NECTIN2: variants seen among roughly 807,000 people sequenced by gnomAD.
The protein encoded by NECTIN2 is nectin cell adhesion molecule 2.
A neutral mutation model predicts 56.9 loss-of-function variants in NECTIN2; 23 were observed. The observed-to-expected ratio is 0.40, with a 90% CI of 0.29 to 0.57. The LOEUF is 0.57. Ranked by LOEUF, NECTIN2 falls within the 20% of genes least tolerant of loss-of-function variation. NECTIN2 has a pLI of 0.38. For synonymous variants in NECTIN2, 302 were observed against 313.8 expected (o/e 0.96, Z 0.40); for missense variants, 587 against 718.3 (o/e 0.82, Z 2.09).
intron 5 of NECTIN2, among the ~76,000 whole-genome samples, chr19:44,880,027 T>C (rs1969290315): frequency 6.6e-6 from 1 of 152,204 alleles, no homozygotes; most frequent in Admixed American, 6.5e-5. Context: ...CTCCAGAGGA[T>C]GCCAGGCTGT....
Position 44,874,151 on chromosome 19 carries a change from G to A in NECTIN2, c.893+118G>A. ...GACTCCTGGATCTGAGGGAGGAGGG[G>A]CTGGGCCTAAATTCCTAAGTCCTCC... On this transcript the variant is annotated intron_variant, in intron 4 of 8. Transcript: ENST00000252483. This position sits in a 1 kb window ranked among gnomAD's most constrained non-coding sequence, Gnocchi z 6.3. The A allele has an allele frequency of 8.2e-7, 1 of 1,215,188 alleles. No homozygotes were observed. The highest frequency in any genetic ancestry group is 1.2e-6 in the Non-Finnish European group (1 of 862,138). The allele number at this position is 1,215,188 out of a possible 1,614,324, so 75.3% of individuals were successfully genotyped here.
intron 3 of NECTIN2, among the ~76,000 whole-genome samples, chr19:44,872,749 C>T (rs1232182005): frequency 6.7e-6 from 1 of 148,812 alleles, no homozygotes; most frequent in South Asian, 2.1e-4. Flanking sequence ...CTCCCAGAGT[C>T]TCTACACCGA....
intron 5 of NECTIN2, chr19:44,878,570 G>A (rs1969270522): frequency 6.2e-7 from 1 of 1,613,516 alleles, no homozygotes; most frequent in Non-Finnish European, 8.5e-7. Context: ...GGATGACATG[G>A]AGTCCCAGCT....
Position 44,872,087 on chromosome 19 carries a change from G to A in NECTIN2, c.713G>A (p.Cys238Tyr). 1.9e-6 allele frequency: 3 copies of A among 1,614,190 alleles called. No individual in the cohort carries two copies. The highest frequency in any genetic ancestry group is 2.5e-6 in the Non-Finnish European group (3 of 1,180,038). The change falls in exon 3 of 9, where the codon TGC becomes TAC. Residue 238 changes from cysteine (C) to tyrosine (Y), a missense_variant. Transcript: ENST00000252483. Reference protein sequence around the residue: ...SGRADGVTVTCKVEHESFEEP... With the variant: ...SGRADGVTVTYKVEHESFEEP... ...CGAGCAGATGGTGTCACGGTCACCT[G>A]CAAAGTGGAGCATGAGAGCTTCGAG...
At chr19:44,862,875 C>T (rs1029298468) in intron 1 of NECTIN2, among the ~76,000 whole-genome samples, 4 of 151,654 alleles carry the variant, frequency 2.6e-5, no homozygotes, top group African/African-American at 4.9e-5. Context: ...ATTGGCCGGG[C>T]GCGGTGGCTC....
intron 5 of NECTIN2, among the ~76,000 whole-genome samples, chr19:44,879,780 A>T (rs11673139): frequency 0.087 from 13,290 of 152,160 alleles, 642 homozygotes; most frequent in South Asian, 0.12. Flanking sequence ...CTGTCGTGGG[A>T]CCCAGTAAGG....
intron 2 of NECTIN2, 139 bp from the exon 3 acceptor site, chr19:44,871,714 C>A: frequency 1.0e-6 from 1 of 982,200 alleles, no homozygotes; most frequent in Non-Finnish European, 1.5e-6. Context: ...ACCACTTATC[C>A]CAAGCCAGGC....
chr19:44,852,826 A>G (rs1968916737), intron 1 of NECTIN2, among the ~76,000 whole-genome samples: 1 of 152,194 alleles, frequency 6.6e-6, no homozygotes, highest in Admixed American at 6.5e-5. Flanking sequence ...GACTGTAGGC[A>G]GGACGCGGTG....
At chr19:44,880,097 G>T (rs957228168) in intron 5 of NECTIN2, among the ~76,000 whole-genome samples, 1 of 152,200 alleles carries the variant, frequency 6.6e-6, no homozygotes, top group Non-Finnish European at 1.5e-5. Context: ...CTCCTCATCT[G>T]GAGAGTGAGG....
At chr19:44,852,124 T>C (rs1968906784) in intron 1 of NECTIN2, among the ~76,000 whole-genome samples, 1 of 152,064 alleles carries the variant, frequency 6.6e-6, no homozygotes, top group South Asian at 2.1e-4. Context: ...TTTTTTTTCT[T>C]TTTTTGAGAC....
intron 2 of NECTIN2, among the ~76,000 whole-genome samples, chr19:44,871,143 G>A (rs1870048795): frequency 6.6e-6 from 1 of 152,158 alleles, no homozygotes; most frequent in Non-Finnish European, 1.5e-5. Context: ...TGGTATTGCA[G>A]GTGTGAACCA....
intron 5 of NECTIN2, among the ~76,000 whole-genome samples, chr19:44,880,480 T>A (rs1346227014): frequency 6.7e-5 from 8 of 118,554 alleles, no homozygotes; most frequent in Non-Finnish European, 1.4e-4. Context: ...CTTGCCTTTT[T>A]TTTTTTTTTT....
chr19:44,846,867 T>C (rs1968841446), intron 1 of NECTIN2, among the ~76,000 whole-genome samples: 1 of 151,556 alleles, frequency 6.6e-6, no homozygotes, highest in Non-Finnish European at 1.5e-5. Context: ...ATCCTACGCC[T>C]GCTTGTCTGT....
chr19:44,866,754 A>G (rs952838511), intron 2 of NECTIN2, among the ~76,000 whole-genome samples: 1 of 152,074 alleles, frequency 6.6e-6, no homozygotes, highest in Non-Finnish European at 1.5e-5. Flanking sequence ...CAGGGAGGAT[A>G]AGAGCTGTAG....
intron 5 of NECTIN2, chr19:44,878,270 G>A (rs1052269278): frequency 9.2e-7 from 1 of 1,085,104 alleles, no homozygotes; most frequent in Non-Finnish European, 1.4e-6. Context: ...GGTGTGGGGG[G>A]CCGTGGGGGG....
chr19:44,873,933 A>G lies in NECTIN2; in HGVS notation c.793A>G (p.Ile265Val), dbSNP rs2122689558. The change falls in exon 4 of 9, where the codon ATC (isoleucine) becomes GTC (valine). Residue 265 changes from isoleucine (I) to valine (V), a missense_variant. Transcript: ENST00000252483. The stretch of plus-strand genomic sequence containing the variant: ...TCCCCCAGACCCTCCTGAAGTGTCC[A>G]TCTCCGGCTATGATGACAACTGGTA... ...LSVRYPPEVS[I>V]SGYDDNWYLG... 3 of 1,613,846 alleles carry G rather than the reference A, an allele frequency of 1.9e-6. No homozygotes were observed. Among genetic ancestry groups the G allele is most frequent in the Non-Finnish European group, 2.5e-6 (3 of 1,179,806 alleles).
intron 6 of NECTIN2, among the ~76,000 whole-genome samples, chr19:44,883,880 G>A (rs572835220): frequency 3.3e-5 from 5 of 152,176 alleles, no homozygotes; most frequent in African/African-American, 1.2e-4. Flanking sequence ...AGCACTTTGG[G>A]AAGCCAACCC....
chr19:44,872,306 C>T lies in NECTIN2; in HGVS notation c.775+157C>T, dbSNP rs1969185155. On this transcript the variant is annotated intron_variant, in intron 3 of 8. Coordinates refer to ENST00000252483, the MANE Select transcript of NECTIN2 (RefSeq NM_001042724.2). The stretch of plus-strand genomic sequence containing the variant: ...CATTGTCTACACTGGCTCCCATGGG[C>T]AAATCTACATACTTCCCCCTCATTG... Among the ~76,000 whole-genome samples the T allele has an allele frequency of 3.9e-5, 6 of 152,230 alleles. No homozygotes were observed. In the South Asian group the frequency reaches 1.2e-3, roughly 32 times the overall value.
intron 5 of NECTIN2, chr19:44,878,275 G>A (rs773661475): frequency 1.5e-5 from 17 of 1,151,140 alleles, no homozygotes; most frequent in South Asian, 2.8e-5. Context: ...GGGGGGCCGT[G>A]GGGGGGACAC....
Sources: gnomAD v4.1 joint callset for allele counts (sites outside exome capture counted in the v4.1 genomes callset) on GRCh38, gnomAD v4.1.1 for gene constraint, Gnocchi (gnomAD v3.1) non-coding constraint, MANE v1.5 for transcripts, NCBI Gene and HGNC (gene_info 2026-07-23, HGNC 2026-07-21) for gene names.